The following SLC16A10 variants were observed in gnomAD, a reference collection of about 807,000 sequenced individuals.
SLC16A10 encodes monocarboxylate transporter 10.
SLC16A10 carries 27 observed loss-of-function variants against 40.0 expected under a neutral mutation model. The observed-to-expected ratio is 0.67, with a 90% confidence interval of 0.50 to 0.93. The LOEUF (loss-of-function observed/expected upper bound fraction) is 0.93. Among genes scored for constraint, SLC16A10 ranks in the 40% least tolerant of loss-of-function variants. The pLI is 0.00. For synonymous variants in SLC16A10, 213 were observed against 249.8 expected (o/e 0.85, Z 1.39); for missense variants, 529 against 658.2 (o/e 0.80, Z 2.15).
At chr6:111,170,451 ATTCT>A (rs1382494420) in intron 1 of SLC16A10, among the ~76,000 whole-genome samples, 1 of 152,160 alleles carries the variant, frequency 6.6e-6, no homozygotes. Flanking sequence ...TTTATATTAG[ATTCT>A]TTCTTTTTTT....
At position 111,128,505 on chromosome 6, in the gene SLC16A10, G is replaced by A. The variant is rs550975222; in HGVS notation, c.343+40410G>A. Among the ~76,000 whole-genome samples the A allele has an allele frequency of 3.3e-5, 5 of 152,300 alleles. No individual in the cohort carries two copies. In the East Asian group the frequency reaches 9.6e-4, roughly 29 times the overall value. ...GGTGCTCTTCTGTTGGAGAAGAAAG[G>A]CTGGCTGATCAAGACACACTGGTTG... On this transcript the variant is annotated intron_variant, in intron 1 of 5. Transcript: ENST00000368851.
chr6:111,161,017 G>A (rs946070076), intron 1 of SLC16A10, among the ~76,000 whole-genome samples: 1 of 152,152 alleles, frequency 6.6e-6, no homozygotes, highest in African/African-American at 2.4e-5. Flanking sequence ...GAGATCAGGA[G>A]TTTGAAACAA....
chr6:111,152,286 TC>T (rs1213630678), intron 1 of SLC16A10, among the ~76,000 whole-genome samples: 5 of 152,212 alleles, frequency 3.3e-5, no homozygotes, highest in African/African-American at 1.2e-4. Context: ...CTAGCTTTTG[TC>T]CCCCGGTAGA....
At chr6:111,198,425 T>C (rs1773114992) in intron 3 of SLC16A10, among the ~76,000 whole-genome samples, 1 of 152,262 alleles carries the variant, frequency 6.6e-6, no homozygotes, top group South Asian at 2.1e-4. Flanking sequence ...GGATATGTTC[T>C]GAGAAATGCA....
At chr6:111,116,432 G>T (rs930348672) in intron 1 of SLC16A10, among the ~76,000 whole-genome samples, 2 of 151,490 alleles carry the variant, frequency 1.3e-5, no homozygotes, top group African/African-American at 2.4e-5. Context: ...TGGCCAGGCT[G>T]GTCTCGAACT....
intron 1 of SLC16A10, among the ~76,000 whole-genome samples, chr6:111,113,179 G>T (rs190258926): frequency 6.6e-6 from 1 of 152,048 alleles, no homozygotes; most frequent in South Asian, 2.1e-4. Flanking sequence ...GTAAATATGG[G>T]CATTTCTGTG....
rs751462110 is a variant in SLC16A10 at position 111,222,194 on chromosome 6, T to G, written c.1507T>G (p.Ser503Ala). ...AAACCAGAACTCTCTGCTGTCAAGT[T>G]CATCTGGAATGTTCAAGAAAGAATC... ...LENQNSLLSS[S>A]SGMFKKESDS... Residue 503 changes from serine (S) to alanine (A), a missense_variant, in exon 6 of 6, where the codon TCA becomes GCA. By Grantham distance (99) the Ser-to-Ala change is moderately conservative (BLOSUM62 1). Coordinates refer to ENST00000368851, the MANE Select transcript of SLC16A10 (RefSeq NM_018593.5). 6.2e-7 allele frequency: 1 copy of G among 1,606,914 alleles called. No homozygotes were observed. The highest frequency in any genetic ancestry group is 1.3e-5 in the African/African-American group (1 of 74,358).
At chr6:111,142,054 ATCAAATCAAC>A (rs1169801160) in intron 1 of SLC16A10, among the ~76,000 whole-genome samples, 245 of 152,330 alleles carry the variant, frequency 1.6e-3, no homozygotes, top group African/African-American at 5.5e-3. Flanking sequence ...TTTCTTCAAT[ATCAAATCAAC>A]TCATTTTCTT....
At chr6:111,144,092 A>G (rs969514325) in intron 1 of SLC16A10, among the ~76,000 whole-genome samples, 2 of 152,204 alleles carry the variant, frequency 1.3e-5, no homozygotes, top group African/African-American at 4.8e-5. Flanking sequence ...GGCAGGAGGT[A>G]TACGAGAAAT....
At chr6:111,139,616 A>G (rs1165816684) in intron 1 of SLC16A10, among the ~76,000 whole-genome samples, 3 of 152,050 alleles carry the variant, frequency 2.0e-5, no homozygotes, top group Non-Finnish European at 4.4e-5. Flanking sequence ...GTTCTTTCTT[A>G]TGACTGTGTA....
intron 3 of SLC16A10, among the ~76,000 whole-genome samples, chr6:111,205,854 G>T (rs556630748): frequency 1.3e-5 from 2 of 152,144 alleles, no homozygotes; most frequent in African/African-American, 4.8e-5. Context: ...GTTATAACTC[G>T]TTTCAGGGGT....
At chr6:111,175,423 C>CTGA (rs1254641882) in intron 2 of SLC16A10, among the ~76,000 whole-genome samples, 1 of 152,158 alleles carries the variant, frequency 6.6e-6, no homozygotes, top group Non-Finnish European at 1.5e-5. Flanking sequence ...TGTACAGGAA[C>CTGA]TGATGTTCCT....
intron 1 of SLC16A10, among the ~76,000 whole-genome samples, chr6:111,136,495 G>A (rs1162006693): frequency 1.3e-5 from 2 of 152,228 alleles, no homozygotes; most frequent in Admixed American, 6.5e-5. Flanking sequence ...ACTGGTGGCT[G>A]TCAGACAACT....
At chr6:111,129,743 T>G (rs1771747466) in intron 1 of SLC16A10, among the ~76,000 whole-genome samples, 1 of 152,216 alleles carries the variant, frequency 6.6e-6, no homozygotes, top group Non-Finnish European at 1.5e-5. Flanking sequence ...TTTTCTCTCT[T>G]GGGCCTCTGG....
At chr6:111,184,648 A>G (rs557491094) in intron 3 of SLC16A10, among the ~76,000 whole-genome samples, 4 of 151,762 alleles carry the variant, frequency 2.6e-5, no homozygotes, top group Non-Finnish European at 5.9e-5. Flanking sequence ...CGCCTGACTA[A>G]TTTTTGTATT....
chr6:111,199,717 GTT>G (rs1773137288), intron 3 of SLC16A10, among the ~76,000 whole-genome samples: 1 of 151,476 alleles, frequency 6.6e-6, no homozygotes, highest in East Asian at 1.9e-4. Flanking sequence ...ATCCAAGCTG[GTT>G]TTGGTTGGTA....
intron 1 of SLC16A10, among the ~76,000 whole-genome samples, chr6:111,145,601 C>A (rs1772063524): frequency 6.6e-6 from 1 of 151,868 alleles, no homozygotes; most frequent in African/African-American, 2.4e-5. Context: ...GGATTAAAGA[C>A]CTAAGTATAA....
intron 4 of SLC16A10, among the ~76,000 whole-genome samples, chr6:111,218,454 C>T (rs1583369340): frequency 1.3e-5 from 2 of 152,254 alleles, no homozygotes; most frequent in East Asian, 1.9e-4. Context: ...TGGTGCTTGC[C>T]TGTAGTCCCA....
chr6:111,168,337 C>T (rs1772517353), intron 1 of SLC16A10, among the ~76,000 whole-genome samples: 1 of 152,186 alleles, frequency 6.6e-6, no homozygotes, highest in Non-Finnish European at 1.5e-5. Context: ...TAGCTATGTA[C>T]TTCAGTTTCT....
Sources: allele counts gnomAD v4.1 joint callset (sites outside exome capture counted in the v4.1 genomes callset), GRCh38; gene constraint gnomAD v4.1.1; transcripts MANE v1.5; gene names NCBI Gene and HGNC (gene_info 2026-07-23, HGNC 2026-07-21).